The following ADGRL2 variants were observed in gnomAD, a reference collection of about 807,000 sequenced individuals.
ADGRL2 encodes calcium-independent alpha-latrotoxin receptor 2.
A neutral mutation model predicts 157.4 loss-of-function variants in ADGRL2; 44 were observed. The observed-to-expected ratio is 0.28, with a 90% CI of 0.22 to 0.36. ADGRL2 has a LOEUF of 0.36. Ranked by LOEUF, ADGRL2 falls within the 10% of genes least tolerant of loss-of-function variation. The pLI, the probability that ADGRL2 is intolerant of heterozygous loss-of-function variation, is 1.00. For missense variants in ADGRL2, 1,510 were observed against 1,768.9 expected (o/e 0.85, Z 2.63); for synonymous variants, 585 against 624.7 (o/e 0.94, Z 0.95).
intron 1 of ADGRL2, among the ~76,000 whole-genome samples, chr1:81,406,357 G>A (rs1033828710): frequency 6.6e-6 from 1 of 152,164 alleles, no homozygotes; most frequent in Non-Finnish European, 1.5e-5. Flanking sequence ...CAGACTACAC[G>A]GGACCATAAT....
chr1:81,381,516 G>A (rs923993762), intron 1 of ADGRL2, among the ~76,000 whole-genome samples: 1 of 152,090 alleles, frequency 6.6e-6, no homozygotes, highest in Non-Finnish European at 1.5e-5. Flanking sequence ...GTTTGAGGAT[G>A]CAGTCATCTG....
intron 1 of ADGRL2, among the ~76,000 whole-genome samples, chr1:81,411,121 A>G (rs2076938588): frequency 6.6e-6 from 1 of 152,224 alleles, no homozygotes; most frequent in Non-Finnish European, 1.5e-5. Flanking sequence ...CTATCACATT[A>G]TCCAAGGGCA....
chr1:81,602,516 C>T lies in ADGRL2; in HGVS notation c.-143+21536C>T, dbSNP rs185077991. On this transcript the variant is annotated intron_variant, in intron 3 of 24. Coordinates refer to the ADGRL2 transcript ENST00000370721. ...GCTGAGGCAGAGAATTGCTTGAACCCGGGAAGCAGAGGTTGCAGTGAGCCG... is the reference window on the plus strand; with the variant it reads ...GCTGAGGCAGAGAATTGCTTGAACCTGGGAAGCAGAGGTTGCAGTGAGCCG... Among the ~76,000 whole-genome samples, 746 of 152,176 alleles carry T rather than the reference C, an allele frequency of 4.9e-3. 7 individuals are homozygous for T. The highest frequency in any genetic ancestry group is 0.016 in the African/African-American group (679 of 41,516).
chr1:81,361,378 A>G (rs958442248), intron 1 of ADGRL2, among the ~76,000 whole-genome samples: 3 of 151,946 alleles, frequency 2.0e-5, no homozygotes, highest in Non-Finnish European at 4.4e-5. Context: ...TTGCTGAGAA[A>G]AGATGGCACT....
chr1:81,714,043 C>A (rs978273513), intron 1 of ADGRL2, among the ~76,000 whole-genome samples: 1 of 152,100 alleles, frequency 6.6e-6, no homozygotes, highest in Non-Finnish European at 1.5e-5. Context: ...GGGAACTGCC[C>A]TTTATAAAAC....
At chr1:81,795,578 T>C (rs2087546996), upstream of ADGRL2, among the ~76,000 whole-genome samples, 1 of 152,196 alleles carries the variant, frequency 6.6e-6, no homozygotes, top group East Asian at 1.9e-4. Flanking sequence ...TGACTCACTT[T>C]CTAAAATGCA....
intron 1 of ADGRL2, among the ~76,000 whole-genome samples, chr1:81,724,593 A>G (rs1353982506): frequency 6.6e-6 from 1 of 152,174 alleles, no homozygotes; most frequent in Non-Finnish European, 1.5e-5. Context: ...TGTGCATTCA[A>G]TTCTTATTTT....
intron 23 of ADGRL2, chr1:81,989,581 C>A: frequency 8.1e-7 from 1 of 1,229,320 alleles, no homozygotes; most frequent in Non-Finnish European, 1.2e-6. Flanking sequence ...AACCCTTGCT[C>A]TGACTAAGTT....
At chr1:81,388,674 T>C (rs1459932118) in intron 1 of ADGRL2, among the ~76,000 whole-genome samples, 1 of 152,152 alleles carries the variant, frequency 6.6e-6, no homozygotes, top group Non-Finnish European at 1.5e-5. Context: ...GGAGTAAACG[T>C]GTATGAGGAA....
intron 1 of ADGRL2, among the ~76,000 whole-genome samples, chr1:81,349,631 TAC>T (rs36213279): frequency 0.13 from 18,985 of 142,532 alleles, 1,288 homozygotes; most frequent in African/African-American, 0.15. Flanking sequence ...TGTTGTGAGC[TAC>T]ACACACACAC....
At chr1:81,865,933 A>G (rs1197690482) in intron 2 of ADGRL2, among the ~76,000 whole-genome samples, 1 of 152,206 alleles carries the variant, frequency 6.6e-6, no homozygotes, top group African/African-American at 2.4e-5. Flanking sequence ...TTTTGTGCCA[A>G]CAGTCATAAA....
At chr1:81,496,377 AG>A (rs1423572394) in intron 2 of ADGRL2, among the ~76,000 whole-genome samples, 3 of 150,388 alleles carry the variant, frequency 2.0e-5, no homozygotes, top group African/African-American at 7.5e-5. Flanking sequence ...TTAGCAAAAA[AG>A]GGGGAGAAAT....
chr1:81,322,688 A>C (rs1660609729), intron 1 of ADGRL2, among the ~76,000 whole-genome samples: 1 of 152,168 alleles, frequency 6.6e-6, no homozygotes, highest in Admixed American at 6.5e-5. Context: ...AAGGGAAAAC[A>C]TTGAAAAACA....
chr1:81,659,052 A>ATTTTTTTT (rs55832240), intron 3 of ADGRL2, among the ~76,000 whole-genome samples: 1 of 60,530 alleles, frequency 1.7e-5, no homozygotes, highest in African/African-American at 7.9e-5. Context: ...ACACCCAGCA[A>ATTTTTTTT]TTTTTTTTTT....
chr1:81,422,940 A>G lies in ADGRL2; in HGVS notation c.-301-22096A>G, dbSNP rs530210750. On this transcript the variant is annotated intron_variant, in intron 1 of 24. Coordinates refer to the ADGRL2 transcript ENST00000370721. ...GTTTCGTGTTTCCTACAGCCTCCAC[A>G]CTGTTCCCTGCCCCTTTATGCATTT... Among the ~76,000 whole-genome samples the G allele has an allele frequency of 4.6e-5, 7 of 152,218 alleles. No homozygotes were observed. The East Asian group carries it at 1.2e-3, about 25-fold the overall frequency.
At chr1:81,693,180 C>T (rs1446981816) in intron 3 of ADGRL2, among the ~76,000 whole-genome samples, 1 of 152,096 alleles carries the variant, frequency 6.6e-6, no homozygotes, top group Non-Finnish European at 1.5e-5. Context: ...TCACAATTGC[C>T]CAAGAGCTCA....
chr1:81,911,161 C>A (rs2094711906), intron 3 of ADGRL2, among the ~76,000 whole-genome samples: 1 of 152,034 alleles, frequency 6.6e-6, no homozygotes, highest in South Asian at 2.1e-4. Flanking sequence ...AAGTGTGAAA[C>A]TAAAGGCTCT....
intron 2 of ADGRL2, among the ~76,000 whole-genome samples, chr1:81,471,708 C>A (rs926819102): frequency 1.3e-5 from 2 of 152,088 alleles, no homozygotes; most frequent in African/African-American, 4.8e-5. Context: ...AATATAATTG[C>A]CCTGATTGAC....
chr1:81,549,095 T>C (rs1290093284), intron 2 of ADGRL2, among the ~76,000 whole-genome samples: 1 of 152,194 alleles, frequency 6.6e-6, no homozygotes, highest in African/African-American at 2.4e-5. Context: ...TAAATTTTAC[T>C]TTTGACCTCT....
Sources: gnomAD v4.1 joint callset for allele counts (sites outside exome capture counted in the v4.1 genomes callset) on GRCh38, gnomAD v4.1.1 for gene constraint, MANE v1.5 for transcripts, NCBI Gene and HGNC (gene_info 2026-07-23, HGNC 2026-07-21) for gene names.